CDC42BPB: variants seen among roughly 807,000 people sequenced by gnomAD.
CDC42BPB encodes the protein serine/threonine-protein kinase MRCK beta.
CDC42BPB carries 37 observed loss-of-function variants against 214.9 expected under a neutral mutation model. That is an observed-to-expected ratio of 0.17 (90% confidence interval 0.13 to 0.23). CDC42BPB has a LOEUF of 0.23. Among genes scored for constraint, CDC42BPB ranks in the 10% least tolerant of loss-of-function variants. The pLI is 1.00. For missense variants in CDC42BPB, 1,694 were observed against 2,227.0 expected (o/e 0.76, Z 4.82); for synonymous variants, 931 against 884.0 (o/e 1.05, Z -0.94).
In CDC42BPB at chr14:102,943,831, A is replaced by G. The variant is rs769143847; in HGVS notation, c.4408+60T>C. 1.6e-5 allele frequency: 24 copies of G among 1,479,410 alleles called. No homozygotes were observed. In the Middle Eastern group the frequency reaches 5.4e-4, roughly 33 times the overall value. 91.6% of individuals were successfully genotyped at this position (1,479,410 alleles called of 1,614,324 possible). A position where few individuals can be genotyped will look rare whatever the true frequency, so the allele number is the denominator to read the frequency against. ...GACAAACCAAAGCAAAATCGAACAC[A>G]TGCTGACTGTCGGTGGGAAAAGCAG... On this transcript the variant is annotated intron_variant, in intron 30 of 36. Transcript: ENST00000361246. The surrounding 1 kb of genome is among the most constrained non-coding windows in gnomAD (Gnocchi z 4.6).
chr14:103,037,834 T>C (rs528892404), intron 1 of CDC42BPB, among the ~76,000 whole-genome samples: 3 of 151,854 alleles, frequency 2.0e-5, no homozygotes, highest in East Asian at 3.9e-4. Context: ...ATCGAGACCA[T>C]CCTGGCTAAC....
intron 1 of CDC42BPB, among the ~76,000 whole-genome samples, chr14:103,015,247 G>C (rs1171021857): frequency 6.6e-6 from 1 of 152,140 alleles, no homozygotes; most frequent in Non-Finnish European, 1.5e-5. Context: ...AGAAGGAAAA[G>C]CCTAAGAAAA....
chr14:102,978,862 C>T (rs1595488342), intron 8 of CDC42BPB, among the ~76,000 whole-genome samples: 1 of 152,122 alleles, frequency 6.6e-6, no homozygotes, highest in Non-Finnish European at 1.5e-5. Context: ...CAAAAATTAG[C>T]TGGATGTGGC....
At chr14:102,934,671 T>C (rs1002213670) in intron 36 of CDC42BPB, among the ~76,000 whole-genome samples, 10 of 151,968 alleles carry the variant, frequency 6.6e-5, no homozygotes, top group African/African-American at 2.4e-4. Flanking sequence ...CTCAACAAAA[T>C]AAAACAGCTA....
intron 1 of CDC42BPB, 84 bp downstream of exon 1, chr14:103,056,915 C>A: frequency 1.4e-6 from 1 of 739,830 alleles, no homozygotes; most frequent in Non-Finnish European, 1.7e-6. Context: ...TCTGTCCGGG[C>A]GGGGATGGGC....
chr14:103,047,300 T>A (rs1460838967), intron 1 of CDC42BPB, among the ~76,000 whole-genome samples: 360 of 135,792 alleles, frequency 2.7e-3, no homozygotes, highest in Middle Eastern at 4.1e-3. Context: ...AAAAAAAAAA[T>A]TAGAACAAAC....
chr14:102,945,565 AT>A (rs1188063452), intron 29 of CDC42BPB, 96 bp downstream of exon 29: 2 of 1,131,116 alleles, frequency 1.8e-6, no homozygotes, highest in Non-Finnish European at 2.6e-6. Flanking sequence ...CATCAAGCGC[AT>A]TTGTCTTAAC....
At chr14:102,972,963 T>G (rs1388527376) in intron 12 of CDC42BPB, among the ~76,000 whole-genome samples, 7 of 152,202 alleles carry the variant, frequency 4.6e-5, no homozygotes, top group Non-Finnish European at 1.0e-4. Context: ...CTGGACAGCC[T>G]GCCCTTCAAT....
chr14:102,983,899 A>G, intron 6 of CDC42BPB, 143 bp from the exon 7 acceptor site: 2 of 1,451,122 alleles, frequency 1.4e-6, no homozygotes, highest in South Asian at 2.9e-5. Flanking sequence ...TTTTAAACCC[A>G]GTAATTCAAG....
rs772443423 is a variant in CDC42BPB, at chr14:102,973,996, C to T, written c.1641+20G>A. On this transcript the variant is annotated intron_variant, in intron 12 of 36. Transcript: ENST00000361246. The stretch of plus-strand genomic sequence containing the variant: ...TGCAAAGTCCCGTAAGCCTTTCTCA[C>T]CCCAAACTGAGCCACCTACCTTGTG... 9 of 1,591,070 alleles carry T rather than the reference C, an allele frequency of 5.7e-6. No individual in the cohort carries two copies. In the South Asian group the frequency reaches 9.0e-5, roughly 16 times the overall value.
chr14:102,945,284 G>C (rs974364185), intron 29 of CDC42BPB: 6 of 461,990 alleles, frequency 1.3e-5, no homozygotes, highest in Non-Finnish European at 2.6e-5. Context: ...GCTGTGGAGC[G>C]GGTGCATGCC....
chr14:103,041,566 A>G, intron 1 of CDC42BPB: 1 of 1,231,950 alleles, frequency 8.1e-7, no homozygotes, highest in Non-Finnish European at 1.2e-6. Context: ...GAAGATCCGC[A>G]GATGCAAGGC....
At chr14:102,935,620 C>T (rs546879109) in intron 36 of CDC42BPB, among the ~76,000 whole-genome samples, 20 of 151,940 alleles carry the variant, frequency 1.3e-4, no homozygotes, top group East Asian at 5.8e-4. Flanking sequence ...TGAAACCCCG[C>T]CTCTACTAAA....
chr14:102,994,317 TG>T (rs1369610216), intron 5 of CDC42BPB, among the ~76,000 whole-genome samples: 40 of 151,894 alleles, frequency 2.6e-4, no homozygotes, highest in Admixed American at 2.6e-3. Flanking sequence ...TTGCACGCAC[TG>T]GGGGTCATCT....
intron 36 of CDC42BPB, 132 bp downstream of exon 36, chr14:102,937,972 C>T (rs1891715286): frequency 2.1e-6 from 2 of 943,366 alleles, no homozygotes; most frequent in Non-Finnish European, 3.4e-6. Context: ...ACCCCTGCCC[C>T]CGTCACCCTC....
Position 103,029,753 on chromosome 14 carries a change from G to A in CDC42BPB, c.176-17565C>T, listed in dbSNP as rs1312739394. Reference sequence around the variant, plus strand: ...GTGCACCTGTAGTCCCAGCTACTTCGGAGGCTGACGCAGGAGAATTGCTTG... The same window carrying A: ...GTGCACCTGTAGTCCCAGCTACTTCAGAGGCTGACGCAGGAGAATTGCTTG... On this transcript the variant is annotated intron_variant, in intron 1 of 36. Coordinates refer to ENST00000361246, the MANE Select transcript of CDC42BPB (RefSeq NM_006035.4). Among the ~76,000 whole-genome samples, 6 of 150,148 alleles carry A rather than the reference G, an allele frequency of 4.0e-5. No homozygotes were observed. In the East Asian group the frequency reaches 5.8e-4, roughly 15 times the overall value.
intron 1 of CDC42BPB, among the ~76,000 whole-genome samples, chr14:103,056,531 A>T (rs1888962525): frequency 6.8e-6 from 1 of 147,062 alleles, no homozygotes; most frequent in Non-Finnish European, 1.5e-5. Context: ...AAGGGAACTA[A>T]TTCCACACTG....
At chr14:103,026,390 AAAAAC>A (rs913204528) in intron 1 of CDC42BPB, among the ~76,000 whole-genome samples, 3 of 152,054 alleles carry the variant, frequency 2.0e-5, no homozygotes, top group Non-Finnish European at 4.4e-5. Context: ...GTTCCGTCTC[AAAAAC>A]AAAACAAAAC....
chr14:102,974,214 A>G (rs1893627306), intron 11 of CDC42BPB, 65 bp from the exon 12 acceptor site: 1 of 1,577,118 alleles, frequency 6.3e-7, no homozygotes, highest in Non-Finnish European at 8.5e-7. Context: ...ACTTTATGTT[A>G]GCTGACTTAC....
Sources: gnomAD v4.1 joint callset for allele counts (sites outside exome capture counted in the v4.1 genomes callset) on GRCh38, gnomAD v4.1.1 for gene constraint, Gnocchi (gnomAD v3.1) non-coding constraint, MANE v1.5 for transcripts, NCBI Gene and HGNC (gene_info 2026-07-23, HGNC 2026-07-21) for gene names.